Variants in HEPH observed in about 807,000 individuals in gnomAD.
HEPH encodes hephaestin.
A neutral mutation model predicts 80.8 loss-of-function variants in HEPH; 69 were observed. That is an observed-to-expected ratio of 0.85 (90% confidence interval 0.70 to 1.04). The LOEUF (loss-of-function observed/expected upper bound fraction) is 1.04. Ranked by LOEUF, HEPH falls within the 50% of genes least tolerant of loss-of-function variation. HEPH has a pLI of 0.00. For missense variants in HEPH, 1,115 were observed against 891.3 expected (o/e 1.25, Z -3.20); for synonymous variants, 431 against 322.8 (o/e 1.34, Z -3.60).
At chrX:66,173,475 C>A in intron 3 of HEPH, 114 bp from the exon 4 acceptor site, 1 of 494,158 alleles carries the variant, frequency 2.0e-6, no homozygotes, top group Non-Finnish European at 3.4e-6. Flanking sequence ...CATTAGCATG[C>A]TACATTTTAT....
intron 15 of HEPH, among the ~76,000 whole-genome samples, chrX:66,224,963 C>A (rs1371406923): frequency 9.1e-6 from 1 of 109,549 alleles, no homozygotes; most frequent in Non-Finnish European, 1.9e-5. Context: ...TTCCTTACCT[C>A]TGCCAGCTGC....
At position 66,177,844 on chromosome X, in the gene HEPH, G is replaced by A. The variant is rs112034138; in HGVS notation, c.625+4043G>A. On this transcript the variant is annotated intron_variant, in intron 4 of 20. Coordinates refer to ENST00000343002, the MANE Select transcript of HEPH (RefSeq NM_001367233.3). ...TTTGCACTCTTTCAATCTTTTTGAT[G>A]TAGGCGTTTAGAGCTATGAACTTCC... 8.3e-3 allele frequency among the ~76,000 whole-genome samples: 923 copies of A among 111,276 alleles called. 14 individuals are homozygous for A. Among genetic ancestry groups the A allele is most frequent in the African/African-American group, 0.029 (894 of 30,608 alleles).
intron 15 of HEPH, among the ~76,000 whole-genome samples, chrX:66,235,423 A>T (rs937505257): frequency 1.8e-5 from 2 of 111,848 alleles, no homozygotes; most frequent in African/African-American, 6.5e-5. Context: ...ATGGCTAGTG[A>T]GTTATCCTAG....
intron 15 of HEPH, among the ~76,000 whole-genome samples, chrX:66,245,445 G>A (rs375233639): frequency 8.1e-5 from 9 of 111,534 alleles, no homozygotes; most frequent in Admixed American, 1.9e-4. Flanking sequence ...CTAAATATAT[G>A]TGCACCCAAT....
chrX:66,204,044 T>C (rs1301697290), intron 13 of HEPH, among the ~76,000 whole-genome samples: 2 of 112,166 alleles, frequency 1.8e-5, no homozygotes, highest in Non-Finnish European at 3.8e-5. Context: ...GGCTGGCAGG[T>C]GAACCCTATC....
chrX:66,207,524 A>G (rs780902367), intron 14 of HEPH, among the ~76,000 whole-genome samples, 190 bp downstream of exon 14: 92 of 112,000 alleles, frequency 8.2e-4, no homozygotes, highest in Non-Finnish European at 1.4e-3. Context: ...TCATGAATTC[A>G]TGAACCAGAT....
downstream of HEPH, chrX:66,268,193 G>T (rs1180527152): frequency 8.9e-6 from 1 of 111,817 alleles, no homozygotes; most frequent in East Asian, 2.8e-4. Context: ...CATATATCAT[G>T]GAAACATCCA....
chrX:66,221,937 G>T (rs897902965), intron 15 of HEPH, among the ~76,000 whole-genome samples: 19 of 112,119 alleles, frequency 1.7e-4, no homozygotes, highest in Non-Finnish European at 3.2e-4. Flanking sequence ...CTTCTCTTGT[G>T]TTACGATGTC....
chrX:66,240,661 C>T (rs2090537044), intron 15 of HEPH, among the ~76,000 whole-genome samples: 2 of 110,934 alleles, frequency 1.8e-5, no homozygotes, highest in Non-Finnish European at 3.8e-5. Context: ...TCATCAGAAG[C>T]CACAGAAGCC....
intron 8 of HEPH, among the ~76,000 whole-genome samples, chrX:66,194,657 G>A (rs2087990548): frequency 9.0e-6 from 1 of 111,620 alleles, no homozygotes; most frequent in African/African-American, 3.3e-5. Flanking sequence ...ACAGATCTTA[G>A]ATAGGTCCAC....
At chrX:66,180,200 G>T (rs2087039293) in intron 4 of HEPH, among the ~76,000 whole-genome samples, 1 of 109,894 alleles carries the variant, frequency 9.1e-6, no homozygotes, top group African/African-American at 3.3e-5. Context: ...CATAGATCCT[G>T]TGTGATTGAT....
intron 15 of HEPH, among the ~76,000 whole-genome samples, chrX:66,212,935 G>T (rs920256387): frequency 9.2e-6 from 1 of 109,151 alleles, no homozygotes; most frequent in Non-Finnish European, 1.9e-5. Flanking sequence ...TCATTTTAAT[G>T]ATATTAATTC....
chrX:66,208,222 G>C lies in HEPH; in HGVS notation c.2539G>C (p.Val847Leu), dbSNP rs2088902093. 1 of 1,208,466 alleles carries C rather than the reference G, an allele frequency of 8.3e-7. No individual in the cohort carries two copies. The highest frequency in any genetic ancestry group is 1.1e-6 in the Non-Finnish European group (1 of 893,689). Residue 847 changes from valine (V) to leucine (L), a missense_variant, in exon 15 of 21, where the codon GTC (valine) becomes CTC (leucine). By Grantham distance (32) the Val-to-Leu change is conservative. This residue lies in a region of HEPH where 716 missense variants were observed against 523.5 expected (regional missense o/e 1.37). Transcript: ENST00000343002. Reference sequence around the variant, plus strand: ...TCATGGAGTGCTAGAATCTACTACTGTCTGGCCACTGGCTGCTGAGCCTGG... The same window carrying C: ...TCATGGAGTGCTAGAATCTACTACTCTCTGGCCACTGGCTGCTGAGCCTGG... ...HAHGVLESTT[V>L]WPLAAEPGEV...
rs1602413181 is a variant in HEPH, at chrX:66,225,360, G to A, written c.2563+17114G>A. Among the ~76,000 whole-genome samples, 3 of 111,701 alleles carry A rather than the reference G, an allele frequency of 2.7e-5. No homozygotes were observed. In the South Asian group the frequency reaches 1.1e-3, roughly 42 times the overall value. On this transcript the variant is annotated intron_variant, in intron 15 of 20. Transcript: ENST00000343002. ...ACAAAACAAAGAATGGGTAAAAAGG[G>A]CACATAAACACTTTTACAGTTTACA... is the stretch of plus-strand genomic sequence containing the variant.
Position 66,256,149 on chromosome X carries a change from G to C in HEPH, c.2715G>C (p.Lys905Asn), listed in dbSNP as rs747572164. Residue 905 changes from lysine (K) to asparagine (N), a missense_variant, in exon 17 of 21, where the codon AAG becomes AAC. Around this residue, in one of 3 missense-constraint regions of HEPH, gnomAD observed 716 missense variants for 523.5 expected, o/e 1.37. Transcript: ENST00000343002. ...TGGGGCCCTTGGCTATCTGCCAAAA[G>C]GGCATCCTGGAGCCCCATGGAGGAC... is the stretch of plus-strand genomic sequence containing the variant. ...GLVGPLAICQ[K>N]GILEPHGGRS... 2 of 1,211,427 alleles carry C rather than the reference G, an allele frequency of 1.7e-6. No individual in the cohort carries two copies. Among genetic ancestry groups the C allele is most frequent in the Non-Finnish European group, 1.1e-6 (1 of 895,181 alleles).
Position 66,266,718 on chromosome X carries a change from C to T in HEPH, c.*46C>T, listed in dbSNP as rs2091552529. The T allele has an allele frequency of 2.1e-6, 2 of 949,159 alleles. No individual in the cohort carries two copies. The highest frequency in any genetic ancestry group is 2.1e-5 in the South Asian group (1 of 47,095). 78.2% of individuals were successfully genotyped at this position (949,159 alleles called of 1,213,427 possible). On this transcript the variant is annotated 3_prime_UTR_variant, in exon 21 of 21. Transcript: ENST00000343002. ...CCTCAGGAAGCACATCTGTAGTGCACTCCCAGCAGGCCATGGACTAGTCAC... is the reference window on the plus strand; with the variant it reads ...CCTCAGGAAGCACATCTGTAGTGCATTCCCAGCAGGCCATGGACTAGTCAC...
intron 19 of HEPH, among the ~76,000 whole-genome samples, chrX:66,260,894 G>A (rs2091338724): frequency 9.1e-6 from 1 of 110,280 alleles, no homozygotes; most frequent in South Asian, 3.9e-4. Flanking sequence ...AGCCTCCCAA[G>A]TAGCTGGGAC....
intron 6 of HEPH, among the ~76,000 whole-genome samples, chrX:66,191,858 C>T (rs1034693302): frequency 9.0e-6 from 1 of 111,118 alleles, no homozygotes; most frequent in Non-Finnish European, 1.9e-5. Context: ...TGTGATGTTG[C>T]TACAATGTGA....
intron 14 of HEPH, 100 bp from the exon 15 acceptor site, chrX:66,208,015 C>A (rs946052086): frequency 3.8e-5 from 22 of 584,301 alleles, no homozygotes; most frequent in Non-Finnish European, 5.2e-5. Context: ...GGGTAAACCA[C>A]TAATTCTATG....
Sources: gnomAD v4.1 joint callset for allele counts (sites outside exome capture counted in the v4.1 genomes callset) on GRCh38, gnomAD v4.1.1 for gene constraint, gnomAD v4.1.1 regional missense constraint, MANE v1.5 for transcripts, NCBI Gene and HGNC (gene_info 2026-07-23, HGNC 2026-07-21) for gene names.